The following CHLSN variants were observed in gnomAD, a reference collection of about 807,000 sequenced individuals.
CHLSN encodes cholesin, also known as protein cholesin.
At chr7:1,031,137 G>T in the CHLSN span, among the ~76,000 whole-genome samples, 3 of 152,194 alleles carry the variant, frequency 2.0e-5, no homozygotes, top group Non-Finnish European at 4.4e-5. Flanking sequence ...GAAAGGAAGG[G>T]CCCCCAGATA....
the CHLSN span, among the ~76,000 whole-genome samples, chr7:1,113,931 G>C: frequency 3.9e-5 from 6 of 152,228 alleles, no homozygotes; most frequent in African/African-American, 1.4e-4. Context: ...GGAGCGAATG[G>C]AGAGGCCCGA....
chr7:1,082,818 G>C, the CHLSN span, among the ~76,000 whole-genome samples: 42 of 152,364 alleles, frequency 2.8e-4, no homozygotes, highest in African/African-American at 9.6e-4. Context: ...AGCGCCCGCA[G>C]AGAACTAAGG....
chr7:1,031,163 C>T, the CHLSN span, among the ~76,000 whole-genome samples: 1 of 152,244 alleles, frequency 6.6e-6, no homozygotes. Context: ...TGAACTGCTT[C>T]CGTACACGGG....
the CHLSN span, among the ~76,000 whole-genome samples, chr7:1,130,519 C>T: frequency 1.3e-5 from 2 of 152,106 alleles, no homozygotes; most frequent in African/African-American, 4.8e-5. Flanking sequence ...CCTCACCTGA[C>T]CCCATGCCCC....
At chr7:1,054,801 G>A in the CHLSN span, among the ~76,000 whole-genome samples, 4 of 152,188 alleles carry the variant, frequency 2.6e-5, no homozygotes, top group Admixed American at 6.5e-5. Context: ...TTCTGTGCAC[G>A]GAGACACCAG....
At chr7:1,016,160 CACACA>C in the CHLSN span, among the ~76,000 whole-genome samples, 1 of 90,338 alleles carries the variant, frequency 1.1e-5, no homozygotes, top group Non-Finnish European at 2.1e-5. Flanking sequence ...CACACGCCAG[CACACA>C]GCAGCACACA....
the CHLSN span, among the ~76,000 whole-genome samples, chr7:1,048,919 A>C: frequency 2.7e-3 from 407 of 152,362 alleles, 1 homozygote; most frequent in Non-Finnish European, 4.2e-3. Flanking sequence ...TTTATACTCC[A>C]GTTTAGTACT....
the CHLSN span, among the ~76,000 whole-genome samples, chr7:1,122,163 A>C: frequency 6.6e-6 from 1 of 152,192 alleles, no homozygotes; most frequent in Non-Finnish European, 1.5e-5. Context: ...AGGTGACTGA[A>C]ACCAGCACAG....
chr7:1,126,710 GAGA>G, the CHLSN span, among the ~76,000 whole-genome samples: 4 of 152,094 alleles, frequency 2.6e-5, no homozygotes, highest in Non-Finnish European at 4.4e-5. Flanking sequence ...ATCACTTTAG[GAGA>G]AGATGGCTCA....
the CHLSN span, among the ~76,000 whole-genome samples, chr7:1,075,642 T>C: frequency 6.7e-6 from 1 of 150,024 alleles, no homozygotes; most frequent in South Asian, 2.1e-4. Flanking sequence ...AGTAGGAGTC[T>C]TGCTCTGTCA....
the CHLSN span, among the ~76,000 whole-genome samples, chr7:1,011,407 AAACACCCACAGACACCCAGAAACACC>A: frequency 1.5e-5 from 2 of 130,038 alleles, no homozygotes; most frequent in South Asian, 2.5e-4. Flanking sequence ...ACAGATACCC[AAACACCCACAGACACCCAGAAACACC>A]CACACACCCA....
chr7:1,020,392 C>T, the CHLSN span, among the ~76,000 whole-genome samples: 1 of 152,312 alleles, frequency 6.6e-6, no homozygotes, highest in South Asian at 2.1e-4. Context: ...TCCAAGAACT[C>T]TTCCTGGGCC....
At chr7:1,016,958 A>G in the CHLSN span, among the ~76,000 whole-genome samples, 1 of 144,856 alleles carries the variant, frequency 6.9e-6, no homozygotes, top group East Asian at 2.0e-4. Context: ...GCCAGCGCAC[A>G]GCAGCACACG....
At chr7:1,060,579 T>TCA in the CHLSN span, among the ~76,000 whole-genome samples, 1 of 152,130 alleles carries the variant, frequency 6.6e-6, no homozygotes, top group Non-Finnish European at 1.5e-5. Flanking sequence ...AGCCACGAGG[T>TCA]CACTGGCATT....
chr7:993,221 C>G, the CHLSN span, among the ~76,000 whole-genome samples: 31 of 152,330 alleles, frequency 2.0e-4, no homozygotes, highest in Non-Finnish European at 2.4e-4. Flanking sequence ...GGGACGGCAG[C>G]TGGAGCGCGT....
chr7:1,122,650 C>T, the CHLSN span, among the ~76,000 whole-genome samples: 2 of 152,160 alleles, frequency 1.3e-5, no homozygotes, highest in Admixed American at 6.5e-5. Flanking sequence ...ACAGTCCTCC[C>T]GAAGGACATG....
the CHLSN span, among the ~76,000 whole-genome samples, chr7:1,133,056 G>C: frequency 4.8e-4 from 73 of 152,258 alleles, 1 homozygote; most frequent in South Asian, 3.5e-3. Context: ...ATGGACGAAG[G>C]GGGAAACAAG....
At chr7:1,009,566 C>A in the CHLSN span, among the ~76,000 whole-genome samples, 1 of 152,212 alleles carries the variant, frequency 6.6e-6, no homozygotes, top group African/African-American at 2.4e-5. Context: ...GCAGTGGCGC[C>A]TCCTGTCACT....
At chr7:1,016,512 C>T in the CHLSN span, among the ~76,000 whole-genome samples, 3 of 137,856 alleles carry the variant, frequency 2.2e-5, 1 homozygote, top group Admixed American at 1.4e-4. Flanking sequence ...AGCACAGCAG[C>T]GCACAGCAGC....
Sources: allele counts gnomAD v4.1 joint callset (sites outside exome capture counted in the v4.1 genomes callset), GRCh38; gene constraint gnomAD v4.1.1; transcripts MANE v1.5; gene names NCBI Gene and HGNC (gene_info 2026-07-23, HGNC 2026-07-21).